The following COG5 variants were observed in gnomAD, a reference collection of about 807,000 sequenced individuals.
COG5 encodes the protein component of oligomeric golgi complex 5, also known as conserved oligomeric Golgi complex subunit 5.
In COG5, 86 loss-of-function variants were observed where a neutral mutation model predicts 110.4. The observed-to-expected ratio is 0.78, with a 90% confidence interval of 0.65 to 0.93. The LOEUF (loss-of-function observed/expected upper bound fraction) is 0.93. COG5 is among the 40% of genes least tolerant of loss of function. The pLI, the probability that COG5 is intolerant of heterozygous loss-of-function variation, is 0.00. For missense variants in COG5, 1,077 were observed against 987.0 expected, an observed-to-expected ratio of 1.09 and a Z score of -1.22; for synonymous variants, 360 against 334.6, an observed-to-expected ratio of 1.08 and a Z score of -0.83.
chr7:107,265,102 T>C (rs1803691245), intron 14 of COG5, among the ~76,000 whole-genome samples: 1 of 152,152 alleles, frequency 6.6e-6, no homozygotes, highest in Admixed American at 6.5e-5. Flanking sequence ...TACAATATAA[T>C]TTCATAAATT....
intron 10 of COG5, among the ~76,000 whole-genome samples, chr7:107,357,670 C>T (rs1196422547): frequency 6.6e-6 from 1 of 151,602 alleles, no homozygotes; most frequent in East Asian, 1.9e-4. Context: ...TCTTTCTCTC[C>T]TTCTCTCTCT....
At chr7:107,487,173 T>G (rs891281226) in intron 6 of COG5, among the ~76,000 whole-genome samples, 5 of 151,996 alleles carry the variant, frequency 3.3e-5, no homozygotes, top group African/African-American at 1.2e-4. Flanking sequence ...TAAAGCAAAT[T>G]TACCTCTACT....
chr7:107,382,292 C>T (rs1815193476), intron 7 of COG5, among the ~76,000 whole-genome samples: 4 of 152,254 alleles, frequency 2.6e-5, no homozygotes, highest in South Asian at 2.1e-4. Context: ...TGGTTGGGCT[C>T]GGCTTTAAAA....
chr7:107,504,384 T>C (rs1798832042), intron 6 of COG5, among the ~76,000 whole-genome samples: 1 of 152,174 alleles, frequency 6.6e-6, no homozygotes, highest in Admixed American at 6.5e-5. Flanking sequence ...TGATGTGATG[T>C]TGGATTTGGT....
In COG5 at chr7:107,386,387, C is replaced by T. The variant is rs909153557; in HGVS notation, c.670-13627G>A. Among the ~76,000 whole-genome samples the T allele has an allele frequency of 7.9e-5, 12 of 152,124 alleles. No homozygotes were observed. In the South Asian group the frequency reaches 8.3e-4, roughly 11 times the overall value. ...CAAGCATAACATCTGTGTCAGTGGA[C>T]GTTATTTATCTGTCGTTGGGTCAGG... On this transcript the variant is annotated intron_variant, in intron 7 of 21. Coordinates refer to ENST00000297135, the MANE Select transcript of COG5 (RefSeq NM_006348.5).
intron 10 of COG5, among the ~76,000 whole-genome samples, chr7:107,358,151 G>C (rs1282995041): frequency 6.6e-6 from 1 of 152,120 alleles, no homozygotes; most frequent in Non-Finnish European, 1.5e-5. Flanking sequence ...AGATTCTCCT[G>C]AGTACAGTTG....
chr7:107,242,854 C>A (rs1405857168), intron 17 of COG5, among the ~76,000 whole-genome samples: 1 of 152,080 alleles, frequency 6.6e-6, no homozygotes, highest in Non-Finnish European at 1.5e-5. Flanking sequence ...GGGGTGGAGC[C>A]CCCAGGAGAC....
At chr7:107,322,615 C>T (rs1429640375) in intron 11 of COG5, among the ~76,000 whole-genome samples, 1 of 152,128 alleles carries the variant, frequency 6.6e-6, no homozygotes, top group African/African-American at 2.4e-5. Context: ...GGAACTATCA[C>T]ACATTGTTGA....
At chr7:107,269,049 CTTTT>C (rs1804031747) in intron 14 of COG5, among the ~76,000 whole-genome samples, 1 of 152,006 alleles carries the variant, frequency 6.6e-6, no homozygotes, top group South Asian at 2.1e-4. Flanking sequence ...ATTTTTGCTT[CTTTT>C]GTTTCTGTAT....
intron 5 of COG5, among the ~76,000 whole-genome samples, chr7:107,542,971 C>CAA (rs10706886): frequency 1.7e-5 from 2 of 120,158 alleles, no homozygotes. Flanking sequence ...AACTCTGTCT[C>CAA]AAAAAAAAAA....
chr7:107,519,789 T>C (rs1358147596), intron 6 of COG5, among the ~76,000 whole-genome samples: 1 of 150,006 alleles, frequency 6.7e-6, no homozygotes, highest in African/African-American at 2.4e-5. Context: ...CCCTAACTCA[T>C]TTTATGAGGT....
chr7:107,491,304 T>C (rs1181649117), intron 6 of COG5, among the ~76,000 whole-genome samples: 2 of 152,158 alleles, frequency 1.3e-5, no homozygotes, highest in African/African-American at 2.4e-5. Flanking sequence ...TCCTGGGTAC[T>C]CTTCCATCCC....
At chr7:107,348,039 T>A (rs1447323689) in intron 10 of COG5, among the ~76,000 whole-genome samples, 5 of 143,566 alleles carry the variant, frequency 3.5e-5, no homozygotes, top group Non-Finnish European at 7.4e-5. Context: ...GGCAGGAGAA[T>A]CGCTTGAACC....
chr7:107,287,559 T>C (rs145610916), intron 12 of COG5, among the ~76,000 whole-genome samples: 236 of 152,336 alleles, frequency 1.5e-3, no homozygotes, highest in African/African-American at 5.4e-3. Context: ...CAGAGATCTG[T>C]GCTATCATCA....
Position 107,527,312 on chromosome 7 carries a change from T to A in COG5, c.463A>T (p.Ser155Cys). 1 of 1,613,218 alleles carries A rather than the reference T, an allele frequency of 6.2e-7. No homozygotes were observed. Among genetic ancestry groups the A allele is most frequent in the African/African-American group, 1.3e-5 (1 of 74,964 alleles). Residue 155 changes from serine (S) to cysteine (C), a missense_variant, in exon 6 of 22, where the codon AGT becomes TGT. Ser to Cys is a moderately radical substitution (Grantham distance 112). Coordinates refer to ENST00000297135, the MANE Select transcript of COG5 (RefSeq NM_006348.5). ...TGCAGTTGTCCTTGGAGTCTCTTACTGAGATTCAAGATACGAATAATCCTC... is the reference window on the plus strand; with the variant it reads ...TGCAGTTGTCCTTGGAGTCTCTTACAGAGATTCAAGATACGAATAATCCTC... Reference protein sequence around the residue: ...LRRIIRILNLSKRLQGQLQGG... With the variant: ...LRRIIRILNLCKRLQGQLQGG...
chr7:107,271,794 CT>C (rs201791854), intron 14 of COG5, among the ~76,000 whole-genome samples: 1 of 151,560 alleles, frequency 6.6e-6, no homozygotes, highest in African/African-American at 2.4e-5. Context: ...TTAATTTGCC[CT>C]TTTTTTTCCT....
At chr7:107,386,001 T>C (rs1238425529) in intron 7 of COG5, among the ~76,000 whole-genome samples, 1 of 151,322 alleles carries the variant, frequency 6.6e-6, no homozygotes, top group Non-Finnish European at 1.5e-5. Context: ...TGTGTGTGTG[T>C]GTGTGTGTGT....
At chr7:107,331,871 C>G (rs1298117498) in intron 10 of COG5, among the ~76,000 whole-genome samples, 71 of 147,498 alleles carry the variant, frequency 4.8e-4, no homozygotes, top group Admixed American at 4.8e-3. Flanking sequence ...AGATGGAGTC[C>G]CACTCTGTTA....
chr7:107,285,770 G>A (rs1584621908), intron 12 of COG5, among the ~76,000 whole-genome samples: 1 of 151,698 alleles, frequency 6.6e-6, no homozygotes. Flanking sequence ...TCAGGAGACT[G>A]AGAGAGAATT....
Sources: allele counts gnomAD v4.1 joint callset (sites outside exome capture counted in the v4.1 genomes callset), GRCh38; gene constraint gnomAD v4.1.1; transcripts MANE v1.5; gene names NCBI Gene and HGNC (gene_info 2026-07-23, HGNC 2026-07-21).